The following EPHB1 variants were observed in gnomAD, a reference collection of about 807,000 sequenced individuals.
EPHB1 encodes ephrin type-B receptor 1.
In EPHB1, 30 loss-of-function variants were observed where a neutral mutation model predicts 94.4. The observed-to-expected ratio is 0.32, with a 90% CI of 0.24 to 0.43. The LOEUF (loss-of-function observed/expected upper bound fraction) is 0.43. EPHB1 is among the 20% of genes least tolerant of loss of function. The pLI, the probability that EPHB1 is intolerant of heterozygous loss-of-function variation, is 1.00. For synonymous variants in EPHB1, 522 were observed against 489.1 expected, an observed-to-expected ratio of 1.07 and a Z score of -0.89; for missense variants, 1,055 against 1,308.3, an observed-to-expected ratio of 0.81 and a Z score of 2.99.
intron 7 of EPHB1, among the ~76,000 whole-genome samples, chr3:135,164,733 C>T (rs1448356186): frequency 2.1e-5 from 3 of 144,892 alleles, no homozygotes; most frequent in African/African-American, 5.1e-5. Context: ...TGCTTGAACT[C>T]GGGAGGCGGA....
intron 12 of EPHB1, among the ~76,000 whole-genome samples, chr3:135,239,424 A>G (rs763645899): frequency 1.3e-5 from 2 of 152,172 alleles, no homozygotes; most frequent in Non-Finnish European, 2.9e-5. Context: ...CAGTGGAGGC[A>G]TGAAGTAAAT....
intron 11 of EPHB1, 147 bp from the exon 12 acceptor site, chr3:135,201,327 G>C: frequency 1.4e-6 from 1 of 737,170 alleles, no homozygotes. Flanking sequence ...GAAGAATGGG[G>C]GATGGGAGTG....
chr3:135,210,971 A>AT (rs1441343451), intron 12 of EPHB1, among the ~76,000 whole-genome samples: 4 of 152,182 alleles, frequency 2.6e-5, no homozygotes, highest in Non-Finnish European at 5.9e-5. Flanking sequence ...GTGGTATTGC[A>AT]TCCCTCTCCA....
At chr3:135,231,897 T>G (rs1434310408) in intron 12 of EPHB1, among the ~76,000 whole-genome samples, 1 of 152,200 alleles carries the variant, frequency 6.6e-6, no homozygotes, top group South Asian at 2.1e-4. Flanking sequence ...ATCATAATCC[T>G]TAGCACGGTA....
chr3:134,967,944 G>A lies in EPHB1; in HGVS notation c.805+15892G>A, dbSNP rs548979754. Among the ~76,000 whole-genome samples, 7 of 152,328 alleles carry A rather than the reference G, an allele frequency of 4.6e-5. No homozygotes were observed. The East Asian group carries it at 7.7e-4, about 17-fold the overall frequency. ...CAGTGGACCTGTCTCTAACACACAG[G>A]TGTGTTTCCCTGAACCCTCAGTGCA... On this transcript the variant is annotated intron_variant, in intron 3 of 15. Coordinates refer to ENST00000398015, the MANE Select transcript of EPHB1 (RefSeq NM_004441.5).
intron 3 of EPHB1, among the ~76,000 whole-genome samples, chr3:135,050,912 T>TTGTGTGTGTG (rs61632320): frequency 1.2e-3 from 183 of 148,052 alleles, no homozygotes; most frequent in African/African-American, 4.5e-3. Flanking sequence ...TAAACACCCT[T>TTGTGTGTGTG]TGTGTGTGTG....
intron 3 of EPHB1, among the ~76,000 whole-genome samples, chr3:135,032,352 GC>G (rs1936504902): frequency 7.0e-6 from 1 of 143,860 alleles, no homozygotes; most frequent in African/African-American, 2.6e-5. Flanking sequence ...TTTTATATTA[GC>G]TTTTATTTTT....
chr3:134,878,433 A>T (rs929209440), intron 1 of EPHB1, among the ~76,000 whole-genome samples: 2 of 152,186 alleles, frequency 1.3e-5, no homozygotes, highest in Non-Finnish European at 2.9e-5. Context: ...CTGACTATTG[A>T]TAGAGGAGAC....
At chr3:134,945,554 T>C (rs1229406111) in intron 2 of EPHB1, among the ~76,000 whole-genome samples, 1 of 152,236 alleles carries the variant, frequency 6.6e-6, no homozygotes, top group African/African-American at 2.4e-5. Context: ...GCTACTGAAT[T>C]GATTTCTAGA....
At chr3:134,941,956 T>C (rs1216518539) in intron 2 of EPHB1, among the ~76,000 whole-genome samples, 1 of 152,240 alleles carries the variant, frequency 6.6e-6, no homozygotes, top group Non-Finnish European at 1.5e-5. Context: ...AGTCATGATC[T>C]GAAAGCCTGA....
chr3:135,072,579 C>G (rs573200935), intron 3 of EPHB1, among the ~76,000 whole-genome samples: 3 of 152,290 alleles, frequency 2.0e-5, no homozygotes, highest in Admixed American at 6.5e-5. Flanking sequence ...CGATCCCCAC[C>G]ACCAGCCTCA....
intron 3 of EPHB1, among the ~76,000 whole-genome samples, chr3:134,996,219 G>A (rs925452176): frequency 2.0e-5 from 3 of 151,886 alleles, no homozygotes; most frequent in Non-Finnish European, 4.4e-5. Flanking sequence ...TTGAAAACAG[G>A]GTATCACTCT....
At chr3:134,806,752 T>C (rs754748994) in intron 1 of EPHB1, among the ~76,000 whole-genome samples, 2 of 152,170 alleles carry the variant, frequency 1.3e-5, no homozygotes, top group Non-Finnish European at 2.9e-5. Context: ...TCTCCTACTA[T>C]GTACCAGGCA....
chr3:135,024,694 A>T (rs1936087834), intron 3 of EPHB1, among the ~76,000 whole-genome samples: 1 of 152,210 alleles, frequency 6.6e-6, no homozygotes, highest in South Asian at 2.1e-4. Flanking sequence ...AATGGATTAA[A>T]CAATTCCATG....
At chr3:134,912,861 A>G (rs1429427654) in intron 1 of EPHB1, among the ~76,000 whole-genome samples, 2 of 152,214 alleles carry the variant, frequency 1.3e-5, no homozygotes, top group African/African-American at 4.8e-5. Flanking sequence ...TGGCTATGGC[A>G]TATTTGCAGA....
chr3:135,068,042 C>T (rs1937606866), intron 3 of EPHB1: 1 of 152,300 alleles, frequency 6.6e-6, no homozygotes, highest in South Asian at 2.1e-4. Context: ...TTTGGGCACT[C>T]ACAGTATTTG....
rs113573111 is a variant in EPHB1 at position 135,115,571 on chromosome 3, AT to A, written c.961+8978del. 3.0e-3 allele frequency among the ~76,000 whole-genome samples: 442 copies of A among 149,630 alleles called. 4 individuals carry two copies. The highest frequency in any genetic ancestry group is 7.4e-3 in the African/African-American group (299 of 40,670). ...GGAAGCTCTTTGACGTGCTGATTTGATTTTTTTTTTCTTTTAAATCTGCTTC... is the reference window on the plus strand; with the variant it reads ...GGAAGCTCTTTGACGTGCTGATTTGATTTTTTTTTCTTTTAAATCTGCTTC... On this transcript the variant is annotated intron_variant, in intron 4 of 15. Transcript: ENST00000398015.
At chr3:134,861,274 A>G (rs1174575701) in intron 1 of EPHB1, among the ~76,000 whole-genome samples, 2 of 152,240 alleles carry the variant, frequency 1.3e-5, no homozygotes, top group Non-Finnish European at 1.5e-5. Flanking sequence ...AAGGGCCAGG[A>G]TATTTAAGCA....
intron 1 of EPHB1, among the ~76,000 whole-genome samples, chr3:134,923,004 G>C (rs1246885212): frequency 6.6e-6 from 1 of 152,222 alleles, no homozygotes; most frequent in Non-Finnish European, 1.5e-5. Flanking sequence ...CTTCTGAGAA[G>C]TGTATTATGT....
Sources: allele counts gnomAD v4.1 joint callset (sites outside exome capture counted in the v4.1 genomes callset), GRCh38; gene constraint gnomAD v4.1.1; transcripts MANE v1.5; gene names NCBI Gene and HGNC (gene_info 2026-07-23, HGNC 2026-07-21).